The following PPP1R13B variants were observed in gnomAD, a reference collection of about 807,000 sequenced individuals.
PPP1R13B encodes apoptosis-stimulating of p53 protein 1.
In PPP1R13B, 44 loss-of-function variants were observed where a neutral mutation model predicts 119.8. The ratio of observed to expected loss-of-function variants is 0.37; its 90% confidence interval spans 0.29 to 0.47. The LOEUF (loss-of-function observed/expected upper bound fraction) is 0.47. Among genes scored for constraint, PPP1R13B ranks in the 20% least tolerant of loss-of-function variants. The pLI, the probability that PPP1R13B is intolerant of heterozygous loss-of-function variation, is 0.99. For missense variants in PPP1R13B, 1,227 were observed against 1,413.5 expected (o/e 0.87, Z 2.12); for synonymous variants, 542 against 561.5 (o/e 0.97, Z 0.49).
At position 103,740,096 on chromosome 14, in the gene PPP1R13B, G is replaced by C. The variant is rs767323271; in HGVS notation, c.2320C>G (p.Pro774Ala). The C allele has an allele frequency of 1.2e-6, 2 of 1,613,730 alleles. No individual in the cohort carries two copies. The highest frequency in any genetic ancestry group is 2.2e-5 in the East Asian group (1 of 44,888). The stretch of plus-strand genomic sequence containing the variant: ...GGGAGTGGGGCTGTGGGCTGGGCAG[G>C]GGGGAGCTCTTCCAGGTTTCCATTG... ...NANGNLEELP[P>A]AQPTAPLPAE... Residue 774 changes from proline (P) to alanine (A), a missense_variant, in exon 12 of 17, where the codon CCT becomes GCT. Transcript: ENST00000202556. This position sits in a 1 kb window ranked among gnomAD's most constrained non-coding sequence, Gnocchi z 4.6.
chr14:103,760,629 C>T (rs1326612316), intron 4 of PPP1R13B, among the ~76,000 whole-genome samples: 1 of 152,288 alleles, frequency 6.6e-6, no homozygotes, highest in African/African-American at 2.4e-5. Context: ...CCACCTGTGG[C>T]CCCAGGGATC....
At chr14:103,839,442 A>C (rs1031223279) in intron 1 of PPP1R13B, among the ~76,000 whole-genome samples, 4 of 151,922 alleles carry the variant, frequency 2.6e-5, no homozygotes, top group Non-Finnish European at 5.9e-5. Context: ...AGCCTGACCA[A>C]CATGGAGAAA....
chr14:103,783,667 T>A (rs2085387469), intron 3 of PPP1R13B, among the ~76,000 whole-genome samples: 2 of 151,942 alleles, frequency 1.3e-5, no homozygotes. Context: ...TCCTCCCACC[T>A]CAGCCTCCCA....
At position 103,734,606 on chromosome 14, in the gene PPP1R13B, G is replaced by A. The variant is rs1267542130; in HGVS notation, c.*548C>T. 2 of 456,442 alleles carry A rather than the reference G, an allele frequency of 4.4e-6. No individual in the cohort carries two copies. Among genetic ancestry groups the A allele is most frequent in the South Asian group, 3.1e-5 (2 of 64,574 alleles). The allele number at this position is 456,442 out of a possible 1,614,324, so 28.3% of individuals were successfully genotyped here. On this transcript the variant is annotated 3_prime_UTR_variant, in exon 17 of 17. Coordinates refer to ENST00000202556, the MANE Select transcript of PPP1R13B (RefSeq NM_015316.3). ...CCCCCAAGGCGGCCGAGCAGAGTGG[G>A]TACTGGGAGGCATACACACTGGGCA...
At chr14:103,787,305 C>T (rs553586437) in intron 2 of PPP1R13B, among the ~76,000 whole-genome samples, 1 of 151,360 alleles carries the variant, frequency 6.6e-6, no homozygotes, top group African/African-American at 2.4e-5. Flanking sequence ...AAAAATTAGC[C>T]GGGCATGGTG....
At chr14:103,747,800 T>C (rs950704967) in intron 8 of PPP1R13B, among the ~76,000 whole-genome samples, 1 of 152,186 alleles carries the variant, frequency 6.6e-6, no homozygotes, top group Non-Finnish European at 1.5e-5. Context: ...CTTAGAATAA[T>C]AGTCTCCAAT....
At chr14:103,838,081 T>C (rs917680288) in intron 1 of PPP1R13B, among the ~76,000 whole-genome samples, 1 of 152,132 alleles carries the variant, frequency 6.6e-6, no homozygotes, top group Non-Finnish European at 1.5e-5. Context: ...ATCACACCAC[T>C]GCACTCCAGC....
intron 15 of PPP1R13B, chr14:103,737,023 T>C (rs980934036): frequency 1.3e-5 from 2 of 152,276 alleles, no homozygotes; most frequent in Non-Finnish European, 2.9e-5. Flanking sequence ...ATTCATCAAA[T>C]GTTTCCGGGG....
rs151133785 is a variant in PPP1R13B, at chr14:103,777,557, C to T, written c.354+1188G>A. ...CTGTGTTTACGTGCACAGAGGCACC[C>T]ACTGCCTGCTCCAGGAGAGGACATG... On this transcript the variant is annotated intron_variant, in intron 4 of 16. Transcript: ENST00000202556. Among the ~76,000 whole-genome samples the T allele has an allele frequency of 8.3e-3, 1,264 of 152,220 alleles. 15 individuals carry two copies. The highest frequency in any genetic ancestry group is 0.029 in the African/African-American group (1,205 of 41,512).
chr14:103,791,970 AGTT>A (rs1000927590), intron 2 of PPP1R13B, among the ~76,000 whole-genome samples: 5 of 152,088 alleles, frequency 3.3e-5, no homozygotes, highest in African/African-American at 1.2e-4. Flanking sequence ...CTTTATTTTT[AGTT>A]GTTTTACTAA....
chr14:103,811,737 T>C (rs1003842783), intron 1 of PPP1R13B, among the ~76,000 whole-genome samples: 3 of 151,918 alleles, frequency 2.0e-5, no homozygotes, highest in African/African-American at 4.8e-5. Context: ...AAATAACTCT[T>C]TTTTCTTTTT....
At position 103,739,819 on chromosome 14, in the gene PPP1R13B, C is replaced by T. The variant is rs750827532; in HGVS notation, c.2592+5G>A. ...GCCAGGCTTTGGTCTAGCAATGACA[C>T]CCACCGTGGAGGTGGCAGGAGGGTG... On this transcript the variant is annotated splice_donor_5th_base_variant and intron_variant, in intron 12 of 16. Transcript: ENST00000202556. 2 of 1,598,088 alleles carry T rather than the reference C, an allele frequency of 1.3e-6. No homozygotes were observed. Among genetic ancestry groups the T allele is most frequent in the South Asian group, 2.2e-5 (2 of 89,020 alleles).
intron 2 of PPP1R13B, chr14:103,794,519 G>T: frequency 6.3e-6 from 2 of 315,364 alleles, no homozygotes. Context: ...GTAGAGACAG[G>T]GTTTCACCAT....
chr14:103,812,667 C>A (rs960798793), intron 1 of PPP1R13B, among the ~76,000 whole-genome samples: 2 of 151,950 alleles, frequency 1.3e-5, no homozygotes, highest in African/African-American at 4.8e-5. Flanking sequence ...GATCCCCCTG[C>A]CTCAGCCAAG....
intron 4 of PPP1R13B, chr14:103,763,945 T>C (rs1380768731): frequency 6.6e-6 from 1 of 152,272 alleles, no homozygotes; most frequent in Non-Finnish European, 1.5e-5. Context: ...GGTTCATCTG[T>C]GTTGAGTGGT....
rs1270465732 is a variant in PPP1R13B at position 103,803,568 on chromosome 14, G to A, written c.10-6050C>T. 1.4e-4 allele frequency among the ~76,000 whole-genome samples: 21 copies of A among 152,236 alleles called. 1 individual carries two copies. The South Asian group carries it at 2.7e-3, about 20-fold the overall frequency. Reference sequence around the variant, plus strand: ...TGAGGCAGGAGAATGCTGTGAACCCGGGAGGTGGAGCTTGCAGGGAGCCGA... The same window carrying A: ...TGAGGCAGGAGAATGCTGTGAACCCAGGAGGTGGAGCTTGCAGGGAGCCGA... On this transcript the variant is annotated intron_variant, in intron 1 of 16. Coordinates refer to ENST00000202556, the MANE Select transcript of PPP1R13B (RefSeq NM_015316.3).
chr14:103,803,230 T>C (rs573234196), intron 1 of PPP1R13B, among the ~76,000 whole-genome samples: 82 of 152,354 alleles, frequency 5.4e-4, no homozygotes, highest in Non-Finnish European at 9.6e-4. Context: ...ATGGGTAGCA[T>C]ATTTTTTTCT....
chr14:103,820,397 T>C (rs945944822), intron 1 of PPP1R13B, among the ~76,000 whole-genome samples: 1 of 152,044 alleles, frequency 6.6e-6, no homozygotes. Flanking sequence ...TTCTCAAAAA[T>C]AGTGTTGTTA....
At chr14:103,833,911 A>G (rs2086715430) in intron 1 of PPP1R13B, among the ~76,000 whole-genome samples, 1 of 152,240 alleles carries the variant, frequency 6.6e-6, no homozygotes, top group Non-Finnish European at 1.5e-5. Flanking sequence ...CAGCATGTAA[A>G]TGATGAATCC....
Sources: allele counts gnomAD v4.1 joint callset (sites outside exome capture counted in the v4.1 genomes callset), GRCh38; gene constraint gnomAD v4.1.1; non-coding constraint Gnocchi (gnomAD v3.1); transcripts MANE v1.5; gene names NCBI Gene and HGNC (gene_info 2026-07-23, HGNC 2026-07-21).